The following PTPN18 variants were observed in gnomAD, a reference collection of about 807,000 sequenced individuals.
The protein encoded by PTPN18 is protein tyrosine phosphatase non-receptor type 18.
PTPN18 carries 65 observed loss-of-function variants against 65.4 expected under a neutral mutation model. That is an observed-to-expected ratio of 0.99 (90% confidence interval 0.81 to 1.22). The LOEUF (loss-of-function observed/expected upper bound fraction) is 1.22. Among genes scored for constraint, PTPN18 ranks in the 50% most tolerant of loss-of-function variants. PTPN18 has a pLI of 0.00. For missense variants in PTPN18, 616 were observed against 646.5 expected, an observed-to-expected ratio of 0.95 and a Z score of 0.51; for synonymous variants, 255 against 267.8, an observed-to-expected ratio of 0.95 and a Z score of 0.47.
rs1161105582 is a variant in PTPN18 at position 130,373,120 on chromosome 2, C to T, written c.1316-37C>T. 1 of 1,556,598 alleles carries T rather than the reference C, an allele frequency of 6.4e-7. No homozygotes were observed. Among genetic ancestry groups the T allele is most frequent in the Non-Finnish European group, 8.7e-7 (1 of 1,148,760 alleles). ...GTCTGCCAGCTTCCACACACCTCAG[C>T]TTCTCCATGAGACCCACGGCACCCT... On this transcript the variant is annotated intron_variant, in intron 14 of 14. Coordinates refer to ENST00000175756, the MANE Select transcript of PTPN18 (RefSeq NM_014369.4). This position sits in a 1 kb window ranked among gnomAD's most constrained non-coding sequence, Gnocchi z 4.1.
Position 130,374,247 on chromosome 2 carries a change from C to G in PTPN18, c.*1023C>G, listed in dbSNP as rs1326344362. On this transcript the variant is annotated 3_prime_UTR_variant, in exon 15 of 15. Transcript: ENST00000175756. ...AAATCAGGACCTATCTAGGCAGACCCCAGCCAGACCCCCGCCAGACAGACT... is the reference window on the plus strand; with the variant it reads ...AAATCAGGACCTATCTAGGCAGACCGCAGCCAGACCCCCGCCAGACAGACT... The G allele has an allele frequency of 5.0e-6, 1 of 199,916 alleles. No individual in the cohort carries two copies. The highest frequency in any genetic ancestry group is 1.0e-5 in the Non-Finnish European group (1 of 95,670). The allele number at this position is 199,916 out of a possible 1,614,324, so 12.4% of individuals were successfully genotyped here.
Position 130,358,786 on chromosome 2 carries a change from C to T in PTPN18, c.94-81C>T, listed in dbSNP as rs940604427. On this transcript the variant is annotated intron_variant, in intron 1 of 14. Transcript: ENST00000175756. ...GGCCACTGGCTTTGTATCCTGCAAGCGTGCCTAGGTGGCCTGGGACTCTGA... is the reference window on the plus strand; with the variant it reads ...GGCCACTGGCTTTGTATCCTGCAAGTGTGCCTAGGTGGCCTGGGACTCTGA... 2.1e-5 allele frequency: 24 copies of T among 1,132,070 alleles called. No homozygotes were observed. In the South Asian group the frequency reaches 2.4e-4, roughly 11 times the overall value. The allele number at this position is 1,132,070 out of a possible 1,614,324, so 70.1% of individuals were successfully genotyped here.
chr2:130,363,388 A>G (rs1469125180), intron 5 of PTPN18, among the ~76,000 whole-genome samples: 1 of 152,004 alleles, frequency 6.6e-6, no homozygotes. Flanking sequence ...TGGAGGTTGC[A>G]GTGAGCTGAG....
chr2:130,370,048 G>A lies in PTPN18; in HGVS notation c.547G>A (p.Glu183Lys). 1.2e-6 allele frequency: 2 copies of A among 1,612,760 alleles called. No homozygotes were observed. Among genetic ancestry groups the A allele is most frequent in the Non-Finnish European group, 1.7e-6 (2 of 1,179,360 alleles). Residue 183 changes from glutamate (E) to lysine (K), a missense_variant and splice_region_variant, in exon 8 of 15, where the codon GAG becomes AAG. Physicochemically the swap from Glu to Lys is moderately conservative, Grantham distance 56. Around this residue, in one of 3 missense-constraint regions of PTPN18, gnomAD observed 25 missense variants for 49.8 expected, o/e 0.50. Transcript: ENST00000175756. ...LRTLKVTFQK[E>K]SRSVYQLQYM... is the part of the protein sequence containing the mutation. ...TTGCTCATCTTTTTCTGTGTTTCAG[G>A]AGTCCCGTTCTGTGTACCAGCTACA...
intron 12 of PTPN18, chr2:130,372,003 A>G (rs905591454): frequency 3.8e-5 from 18 of 471,368 alleles, no homozygotes; most frequent in Non-Finnish European, 5.7e-5. Context: ...ACGTTGACAC[A>G]GAAATGACCA....
In PTPN18 at chr2:130,358,847, C is replaced by T. The variant is rs1680082150; in HGVS notation, c.94-20C>T. 1.3e-6 allele frequency: 2 copies of T among 1,593,336 alleles called. No individual in the cohort carries two copies. The highest frequency in any genetic ancestry group is 2.7e-5 in the African/African-American group (2 of 74,534). On this transcript the variant is annotated intron_variant, in intron 1 of 14. Coordinates refer to ENST00000175756, the MANE Select transcript of PTPN18 (RefSeq NM_014369.4). ...CTCCTGTCTTCTCCCCTCCCTGACC[C>T]ACTCATAATGCTCTACCAGGACATC...
Position 130,375,100 on chromosome 2 carries a change from T to C in PTPN18, c.*1876T>C. The C allele has an allele frequency of 5.2e-6, 1 of 190,688 alleles. No homozygotes were observed. The highest frequency in any genetic ancestry group is 1.1e-5 in the Non-Finnish European group (1 of 90,798). The allele number at this position is 190,688 out of a possible 1,614,324, so 11.8% of individuals were successfully genotyped here. On this transcript the variant is annotated 3_prime_UTR_variant, in exon 15 of 15. Transcript: ENST00000175756. ...GTGAAAGAGCTGACCCTGTGCTGCC[T>C]CCCACTCTCCCAATGCCCCTGCCAC...
At chr2:130,356,250 C>T in intron 1 of PTPN18, 50 bp downstream of exon 1, 1 of 1,236,806 alleles carries the variant, frequency 8.1e-7, no homozygotes. Context: ...CCTGGCCCTG[C>T]GTACGCCTGT....
In PTPN18 at chr2:130,372,269, G is replaced by T; in HGVS notation, c.1026G>T (p.Val342=). 1 of 1,570,480 alleles carries T rather than the reference G, an allele frequency of 6.4e-7. No homozygotes were observed. The highest frequency in any genetic ancestry group is 2.5e-5 in the East Asian group (1 of 40,804). Residue 342 remains valine, a synonymous_variant, in exon 13 of 15, where the codon GTG becomes GTT. Transcript: ENST00000175756. ...TCCCTGCCTGCAGGAGCATCTCTGT[G>T]CCCGGGTCCCCGGGCCACGCCATGG... ...PPGGVLRSIS[V]PGSPGHAMAD...
At chr2:130,363,062 G>A (rs1005294858) in intron 5 of PTPN18, among the ~76,000 whole-genome samples, 6 of 150,606 alleles carry the variant, frequency 4.0e-5, no homozygotes, top group South Asian at 2.1e-4. Context: ...CTCGTGATCC[G>A]CCCACCTCAG....
At chr2:130,369,336 A>C in intron 6 of PTPN18, 135 bp downstream of exon 6, 1 of 785,062 alleles carries the variant, frequency 1.3e-6, no homozygotes, top group Non-Finnish European at 2.1e-6. Flanking sequence ...AAATAGTTAG[A>C]ACTTACTATA....
At chr2:130,361,048 G>T (rs1367015734) in intron 5 of PTPN18, among the ~76,000 whole-genome samples, 5 of 152,114 alleles carry the variant, frequency 3.3e-5, no homozygotes, top group African/African-American at 1.2e-4. Context: ...TGTGTATTCT[G>T]CTTTGGTTGG....
intron 13 of PTPN18, 94 bp downstream of exon 13, chr2:130,372,577 CG>C: frequency 2.9e-6 from 4 of 1,361,478 alleles, no homozygotes; most frequent in Non-Finnish European, 3.8e-6. Context: ...CTGGCGGCCG[CG>C]GGGACCCCAG....
chr2:130,375,382 G>C lies in PTPN18; in HGVS notation c.*2158G>C, dbSNP rs1329192330. On this transcript the variant is annotated 3_prime_UTR_variant, in exon 15 of 15. Transcript: ENST00000175756. Reference sequence around the variant, plus strand: ...GTTCTGGCTGCTGTGTTCACTGTGAGTAATAAACTGTCCATTTCTCCGATT... The same window carrying C: ...GTTCTGGCTGCTGTGTTCACTGTGACTAATAAACTGTCCATTTCTCCGATT... The C allele has an allele frequency of 6.6e-6, 1 of 152,376 alleles. No homozygotes were observed. Among genetic ancestry groups the C allele is most frequent in the Non-Finnish European group, 1.5e-5 (1 of 68,198 alleles). The allele number at this position is 152,376 out of a possible 1,614,324, so 9.4% of individuals were successfully genotyped here.
In PTPN18 at chr2:130,371,182, C is replaced by T; in HGVS notation, c.925-17C>T. 1 of 1,583,828 alleles carries T rather than the reference C, an allele frequency of 6.3e-7. No individual in the cohort carries two copies. Among genetic ancestry groups the T allele is most frequent in the Non-Finnish European group, 8.7e-7 (1 of 1,155,546 alleles). On this transcript the variant is annotated splice_polypyrimidine_tract_variant and intron_variant, in intron 11 of 14. Coordinates refer to ENST00000175756, the MANE Select transcript of PTPN18 (RefSeq NM_014369.4). ...CAGCTTCCTCCCTCAGGAGCCTCCC[C>T]TCCTGTTTTTCTTCAGAATTGTGCC... is the stretch of plus-strand genomic sequence containing the variant.
chr2:130,361,964 G>T (rs1680230741), intron 5 of PTPN18, among the ~76,000 whole-genome samples: 1 of 151,022 alleles, frequency 6.6e-6, no homozygotes, highest in African/African-American at 2.4e-5. Flanking sequence ...ATTTTTTAGT[G>T]TGTTTCTTGT....
chr2:130,371,072 G>T, intron 11 of PTPN18, 108 bp downstream of exon 11: 1 of 1,376,732 alleles, frequency 7.3e-7, no homozygotes, highest in South Asian at 1.3e-5. Context: ...CACTGACTAT[G>T]ACATCCACCT....
chr2:130,368,958 G>A (rs1024828540), intron 5 of PTPN18, 175 bp from the exon 6 acceptor site: 7 of 577,912 alleles, frequency 1.2e-5, no homozygotes, highest in Non-Finnish European at 2.2e-5. Context: ...CACCTCCATT[G>A]AGTCTGCATG....
intron 12 of PTPN18, among the ~76,000 whole-genome samples, chr2:130,371,783 C>G (rs942165052): frequency 6.6e-6 from 1 of 152,222 alleles, no homozygotes. Flanking sequence ...CCACGGCAGT[C>G]CAGCCTGGGC....
Sources: allele counts gnomAD v4.1 joint callset (sites outside exome capture counted in the v4.1 genomes callset), GRCh38; gene constraint gnomAD v4.1.1; regional missense constraint gnomAD v4.1.1; non-coding constraint Gnocchi (gnomAD v3.1); transcripts MANE v1.5; gene names NCBI Gene and HGNC (gene_info 2026-07-23, HGNC 2026-07-21).